The following PVT1 variants were observed in gnomAD, a reference collection of about 807,000 sequenced individuals.
PVT1 encodes the protein CXCR4/PVT1 fusion.
Position 127,870,985 on chromosome 8 carries a change from C to T in PVT1, n.373-19604C>T, listed in dbSNP as rs115448756. ...CCTCCTCCTCCTCCTCCTCTCTGTC[C>T]AGTGACTAGGGAGGGCAGGAAGTTC... On this transcript the variant is annotated intron_variant and non_coding_transcript_variant, in intron 2 of 10. Transcript: ENST00000651587. Among the ~76,000 whole-genome samples the T allele has an allele frequency of 5.2e-3, 787 of 152,288 alleles. 12 individuals carry two copies. Among genetic ancestry groups the T allele is most frequent in the African/African-American group, 0.018 (737 of 41,560 alleles).
At chr8:127,804,830 A>ACAG (rs1397634192) in intron 2 of PVT1, among the ~76,000 whole-genome samples, 1 of 150,694 alleles carries the variant, frequency 6.6e-6, no homozygotes, top group African/African-American at 2.4e-5. Flanking sequence ...TGCTGGGATT[A>ACAG]CAGCGTGAGC....
intron 2 of PVT1, among the ~76,000 whole-genome samples, chr8:127,861,870 C>T (rs1345348724): frequency 2.6e-5 from 4 of 152,164 alleles, no homozygotes; most frequent in African/African-American, 9.7e-5. Flanking sequence ...GTCAGTCCTG[C>T]GGGGCTTTCA....
At chr8:127,810,369 A>T (rs1814579983) in intron 2 of PVT1, among the ~76,000 whole-genome samples, 2 of 152,316 alleles carry the variant, frequency 1.3e-5, no homozygotes, top group South Asian at 2.1e-4. Flanking sequence ...GGTAAACTAG[A>T]TCCTGAAAGG....
At chr8:127,918,946 T>A (rs113275864) in intron 3 of PVT1, among the ~76,000 whole-genome samples, 1 of 152,216 alleles carries the variant, frequency 6.6e-6, no homozygotes, top group Non-Finnish European at 1.5e-5. Context: ...AGAATTCTAA[T>A]GTTCTTCCTC....
intron 6 of PVT1, among the ~76,000 whole-genome samples, chr8:128,100,129 C>A (rs1814484807): frequency 6.1e-5 from 1 of 16,500 alleles, no homozygotes; most frequent in Non-Finnish European, 1.6e-4. Flanking sequence ...CTCCCTCCAT[C>A]CCTCCCTCCC....
At chr8:127,894,551 G>C (rs551270002) in intron 3 of PVT1, among the ~76,000 whole-genome samples, 1 of 152,324 alleles carries the variant, frequency 6.6e-6, no homozygotes, top group African/African-American at 2.4e-5. Context: ...TCCAAAGCGT[G>C]CTGATGAGCA....
intron 4 of PVT1, among the ~76,000 whole-genome samples, chr8:128,019,776 C>A (rs1181333419): frequency 6.6e-6 from 1 of 152,064 alleles, no homozygotes; most frequent in African/African-American, 2.4e-5. Context: ...CAGAATCGGC[C>A]CCCCAGGAGA....
chr8:128,098,115 T>G (rs956527864), intron 6 of PVT1, among the ~76,000 whole-genome samples: 1 of 152,052 alleles, frequency 6.6e-6, no homozygotes, highest in Non-Finnish European at 1.5e-5. Context: ...CCCTCTACTC[T>G]CTGCCTTCCC....
intron 5 of PVT1, among the ~76,000 whole-genome samples, chr8:128,076,947 A>C (rs915737570): frequency 6.6e-6 from 1 of 152,172 alleles, no homozygotes; most frequent in Admixed American, 6.5e-5. Flanking sequence ...AAGTTTTCTC[A>C]CCTAGGCCCT....
intron 2 of PVT1, among the ~76,000 whole-genome samples, chr8:127,847,752 A>AT (rs1815052527): frequency 6.6e-6 from 1 of 152,190 alleles, no homozygotes; most frequent in Non-Finnish European, 1.5e-5. Context: ...TGTAAAAAAA[A>AT]AGCATGGGTG....
At chr8:128,052,121 A>C (rs191910328) in intron 4 of PVT1, among the ~76,000 whole-genome samples, 1 of 152,308 alleles carries the variant, frequency 6.6e-6, no homozygotes, top group Non-Finnish European at 1.5e-5. Context: ...ATTGGCTGGC[A>C]GGGTCTGAGG....
At chr8:127,868,838 A>G (rs1015070066) in intron 2 of PVT1, among the ~76,000 whole-genome samples, 3 of 14,830 alleles carry the variant, frequency 2.0e-4, no homozygotes, top group Non-Finnish European at 4.5e-4. Flanking sequence ...TTATCTCTTT[A>G]CTTTTTAAAA....
At chr8:127,936,034 C>CTTTTTTTTTTTT (rs937905808) in intron 3 of PVT1, among the ~76,000 whole-genome samples, 68 of 101,256 alleles carry the variant, frequency 6.7e-4, no homozygotes, top group East Asian at 1.4e-3. Flanking sequence ...CTCTCTCTCT[C>CTTTTTTTTTTTT]TTTTTTTTTT....
At chr8:128,014,123 G>A (rs772516376) in intron 4 of PVT1, among the ~76,000 whole-genome samples, 3 of 152,316 alleles carry the variant, frequency 2.0e-5, no homozygotes, top group East Asian at 3.9e-4. Context: ...TGTCTCTCAC[G>A]AAGCTCTGTT....
intron 2 of PVT1, chr8:127,852,384 T>A (rs551425864): frequency 2.6e-5 from 4 of 152,342 alleles, no homozygotes; most frequent in African/African-American, 9.6e-5. Flanking sequence ...TCCAAACTCT[T>A]CTGGGCAAGT....
At chr8:128,014,289 G>A (rs1440654835) in intron 4 of PVT1, among the ~76,000 whole-genome samples, 8 of 152,198 alleles carry the variant, frequency 5.3e-5, no homozygotes, top group African/African-American at 9.7e-5. Context: ...TCTACAAGGG[G>A]GGTTAGCCAG....
intron 2 of PVT1, among the ~76,000 whole-genome samples, chr8:127,816,440 G>C (rs1814660560): frequency 2.0e-5 from 3 of 150,870 alleles, no homozygotes; most frequent in African/African-American, 4.9e-5. Flanking sequence ...GAGCCGCTAT[G>C]CCAGGCCAAC....
At chr8:127,887,619 G>A (rs1436531256) in intron 2 of PVT1, among the ~76,000 whole-genome samples, 7 of 152,082 alleles carry the variant, frequency 4.6e-5, no homozygotes, top group Non-Finnish European at 8.8e-5. Context: ...TCCACCTCCC[G>A]AGTTCAAGTG....
intron 2 of PVT1, among the ~76,000 whole-genome samples, chr8:127,826,150 G>A (rs547634684): frequency 4.0e-5 from 6 of 150,554 alleles, no homozygotes; most frequent in Admixed American, 2.7e-4. Context: ...ATGAGCTACC[G>A]CTACACCCAG....
Sources: allele counts gnomAD v4.1 joint callset (sites outside exome capture counted in the v4.1 genomes callset), GRCh38; gene constraint gnomAD v4.1.1; transcripts MANE v1.5; gene names NCBI Gene and HGNC (gene_info 2026-07-23, HGNC 2026-07-21).